Variants in MSI2 observed in about 807,000 individuals in gnomAD.
MSI2 encodes the protein RNA-binding protein Musashi homolog 2.
Under a neutral mutation model 45.6 loss-of-function variants are expected in MSI2, and 17 were observed. That is an observed-to-expected ratio of 0.37 (90% CI 0.26 to 0.56). The LOEUF (loss-of-function observed/expected upper bound fraction) is 0.56, where lower values mean the gene tolerates loss of function less well. Ranked by LOEUF, MSI2 falls within the 20% of genes least tolerant of loss-of-function variation. The pLI is 0.77. For synonymous variants in MSI2, 156 were observed against 158.2 expected (o/e 0.99, Z 0.11); for missense variants, 293 against 444.2 (o/e 0.66, Z 3.06).
intron 5 of MSI2, among the ~76,000 whole-genome samples, chr17:57,318,323 C>T (rs1202204513): frequency 6.6e-6 from 1 of 152,018 alleles, no homozygotes; most frequent in Non-Finnish European, 1.5e-5. Flanking sequence ...AGTGCTCTTT[C>T]ATCGGAGCCT....
intron 5 of MSI2, among the ~76,000 whole-genome samples, chr17:57,318,340 C>G (rs1422492084): frequency 6.6e-6 from 1 of 152,090 alleles, no homozygotes; most frequent in Non-Finnish European, 1.5e-5. Flanking sequence ...GCCTTTCCCC[C>G]ATTCCGGATT....
chr17:57,503,784 G>T (rs2086167033), intron 6 of MSI2, among the ~76,000 whole-genome samples: 1 of 151,960 alleles, frequency 6.6e-6, no homozygotes, highest in Non-Finnish European at 1.5e-5. Flanking sequence ...TCTTGCTGTT[G>T]TCCAGGCTGG....
intron 5 of MSI2, among the ~76,000 whole-genome samples, chr17:57,335,295 C>G (rs1386651243): frequency 6.6e-6 from 1 of 152,182 alleles, no homozygotes; most frequent in Non-Finnish European, 1.5e-5. Context: ...TTAGACCATA[C>G]CTGCCTTGCA....
At chr17:57,675,155 GCCT>G in intron 12 of MSI2, 29 bp downstream of exon 12, 1 of 1,596,854 alleles carries the variant, frequency 6.3e-7, no homozygotes, top group East Asian at 2.2e-5. Context: ...CTGCCCTCCT[GCCT>G]CCTCCTTCCT....
At chr17:57,260,300 G>A (rs1907190105) in intron 4 of MSI2, among the ~76,000 whole-genome samples, 1 of 152,160 alleles carries the variant, frequency 6.6e-6, no homozygotes, top group Non-Finnish European at 1.5e-5. Flanking sequence ...CTTCGATCAT[G>A]ATATAATGCT....
At chr17:57,450,255 T>TAAAGAAAGAAAG (rs6146104) in intron 6 of MSI2, 4 of 76,064 alleles carry the variant, frequency 5.3e-5, no homozygotes, top group Admixed American at 3.2e-4. Flanking sequence ...TTCCCCAGCT[T>TAAAGAAAGAAAG]AAAGAAAGAA....
At chr17:57,464,062 TCA>T (rs1395835954) in intron 6 of MSI2, among the ~76,000 whole-genome samples, 1 of 151,740 alleles carries the variant, frequency 6.6e-6, no homozygotes, top group African/African-American at 2.4e-5. Context: ...TTTTCTGGAC[TCA>T]CAGTGGTTCT....
chr17:57,563,122 C>T (rs1462681337), intron 7 of MSI2, among the ~76,000 whole-genome samples: 1 of 97,420 alleles, frequency 1.0e-5, no homozygotes, highest in African/African-American at 4.5e-5. Flanking sequence ...AAAAAAAAAA[C>T]AGTGCATAGA....
chr17:57,529,956 C>G lies in MSI2; in HGVS notation c.454+232C>G, dbSNP rs555187750. 6.6e-6 allele frequency among the ~76,000 whole-genome samples: 1 copy of G among 152,194 alleles called. No homozygotes were observed. Among genetic ancestry groups the G allele is most frequent in the African/African-American group, 2.4e-5 (1 of 41,440 alleles). On this transcript the variant is annotated intron_variant, in intron 7 of 13. Transcript: ENST00000284073. The surrounding 1 kb of genome is among the most constrained non-coding windows in gnomAD (Gnocchi z 5.3). Reference sequence around the variant, plus strand: ...GCCTAGGAACTCCTGTTTAGTTATGCAGCCATCCCTGACACACATATTCAG... The same window carrying G: ...GCCTAGGAACTCCTGTTTAGTTATGGAGCCATCCCTGACACACATATTCAG...
At chr17:57,313,649 C>G (rs1200677410) in intron 5 of MSI2, among the ~76,000 whole-genome samples, 1 of 152,234 alleles carries the variant, frequency 6.6e-6, no homozygotes, top group African/African-American at 2.4e-5. Flanking sequence ...GGCCCTGGCA[C>G]AGGCAGGGGA....
chr17:57,412,626 C>T (rs1373656894), intron 6 of MSI2, among the ~76,000 whole-genome samples: 1 of 152,182 alleles, frequency 6.6e-6, no homozygotes, highest in Non-Finnish European at 1.5e-5. Flanking sequence ...CCCAGATGGT[C>T]TCCTAGAACC....
At chr17:57,505,176 A>C (rs1158776738) in intron 6 of MSI2, among the ~76,000 whole-genome samples, 1 of 152,180 alleles carries the variant, frequency 6.6e-6, no homozygotes, top group Non-Finnish European at 1.5e-5. Flanking sequence ...AACCAACAGC[A>C]AAGAAGTGAG....
intron 5 of MSI2, among the ~76,000 whole-genome samples, chr17:57,361,940 A>G (rs542813749): frequency 2.0e-4 from 30 of 152,346 alleles, no homozygotes; most frequent in African/African-American, 7.2e-4. Context: ...ATGGAATTCC[A>G]TTTTCTTACA....
chr17:57,614,550 C>T (rs529310654), intron 8 of MSI2, among the ~76,000 whole-genome samples: 5 of 152,204 alleles, frequency 3.3e-5, no homozygotes, highest in South Asian at 2.1e-4. Flanking sequence ...GTCTTTTCTC[C>T]GTCATTTAAA....
rs185055960 is a variant in MSI2, at chr17:57,531,382, G to A, written c.454+1658G>A. Reference sequence around the variant, plus strand: ...GTAAATGTTAGCTCTTATTATTAGCGTTATCATCACCTCCGTCCGGTTGGA... The same window carrying A: ...GTAAATGTTAGCTCTTATTATTAGCATTATCATCACCTCCGTCCGGTTGGA... On this transcript the variant is annotated intron_variant, in intron 7 of 13. Transcript: ENST00000284073. Among the ~76,000 whole-genome samples the A allele has an allele frequency of 1.6e-3, 240 of 152,290 alleles. 1 individual carries two copies. The highest frequency in any genetic ancestry group is 0.01 in the Middle Eastern group (3 of 294).
chr17:57,608,284 T>C (rs1333984881), intron 8 of MSI2: 1 of 152,460 alleles, frequency 6.6e-6, no homozygotes, highest in East Asian at 1.9e-4. Context: ...CATCTTGGCC[T>C]CTGGCCCTGG....
chr17:57,595,340 G>C (rs1253406702), intron 7 of MSI2, among the ~76,000 whole-genome samples: 1 of 131,052 alleles, frequency 7.6e-6, no homozygotes, highest in African/African-American at 3.1e-5. Flanking sequence ...TGGCCATTCA[G>C]TTTTTGTCTT....
intron 5 of MSI2, among the ~76,000 whole-genome samples, chr17:57,307,177 C>G (rs1298444168): frequency 1.3e-5 from 2 of 152,178 alleles, no homozygotes; most frequent in East Asian, 3.9e-4. Flanking sequence ...TTGGTTAGGC[C>G]TATGGTGCCC....
chr17:57,603,923 T>C (rs975999317), intron 8 of MSI2, among the ~76,000 whole-genome samples: 1 of 152,204 alleles, frequency 6.6e-6, no homozygotes, highest in Non-Finnish European at 1.5e-5. Context: ...GAGCACACAT[T>C]ATTAGGGGCA....
Sources: gnomAD v4.1 joint callset for allele counts (sites outside exome capture counted in the v4.1 genomes callset) on GRCh38, gnomAD v4.1.1 for gene constraint, Gnocchi (gnomAD v3.1) non-coding constraint, MANE v1.5 for transcripts, NCBI Gene and HGNC (gene_info 2026-07-23, HGNC 2026-07-21) for gene names.